The following ADAMTSL3 variants were observed in gnomAD, a reference collection of about 807,000 sequenced individuals.
The protein encoded by ADAMTSL3 is ADAMTS like 3, also known as ADAMTS-like protein 3.
Under a neutral mutation model 201.7 loss-of-function variants are expected in ADAMTSL3, and 128 were observed. The ratio of observed to expected loss-of-function variants is 0.63; its 90% CI spans 0.55 to 0.73. ADAMTSL3 has a LOEUF of 0.73. Ranked by LOEUF, ADAMTSL3 falls within the 30% of genes least tolerant of loss-of-function variation. ADAMTSL3 has a pLI of 0.00. For missense variants in ADAMTSL3, 1,990 were observed against 2,119.6 expected, an observed-to-expected ratio of 0.94 and a Z score of 1.20; for synonymous variants, 738 against 748.4, an observed-to-expected ratio of 0.99 and a Z score of 0.23.
At chr15:83,986,316 C>G (rs1441930251) in intron 21 of ADAMTSL3, among the ~76,000 whole-genome samples, 2 of 152,146 alleles carry the variant, frequency 1.3e-5, no homozygotes, top group African/African-American at 4.8e-5. Context: ...GGAGCCTGGT[C>G]AGTTTAAATA....
rs113338507 is a variant in ADAMTSL3 at position 84,000,350 on chromosome 15, T to C, written c.3973+9136T>C. Among the ~76,000 whole-genome samples, 508 of 152,304 alleles carry C rather than the reference T, an allele frequency of 3.3e-3. 4 individuals carry two copies. The highest frequency in any genetic ancestry group is 0.012 in the African/African-American group (494 of 41,570). Reference sequence around the variant, plus strand: ...TTGAAATGTATATTTAAAATGTCTTTCCCTACTCAAAAAGGCTCCCCTTCC... The same window carrying C: ...TTGAAATGTATATTTAAAATGTCTTCCCCTACTCAAAAAGGCTCCCCTTCC... On this transcript the variant is annotated intron_variant, in intron 23 of 29. Transcript: ENST00000286744.
intron 3 of ADAMTSL3, among the ~76,000 whole-genome samples, chr15:83,725,753 G>T (rs2062164893): frequency 3.3e-5 from 5 of 152,016 alleles, no homozygotes; most frequent in Admixed American, 2.6e-4. Context: ...TGGTCTATAT[G>T]TCTGTTTTTT....
chr15:83,716,616 G>A (rs1183683791), intron 3 of ADAMTSL3, among the ~76,000 whole-genome samples: 1 of 151,356 alleles, frequency 6.6e-6, no homozygotes, highest in African/African-American at 2.4e-5. Flanking sequence ...CTTTGTGTGT[G>A]TGTGTGTGTT....
intron 4 of ADAMTSL3, among the ~76,000 whole-genome samples, chr15:83,777,268 C>T (rs1054606813): frequency 2.6e-5 from 4 of 152,204 alleles, no homozygotes; most frequent in Non-Finnish European, 4.4e-5. Context: ...AGCACTCCAC[C>T]GTAGCTGCCA....
At chr15:83,658,562 C>T (rs941236840) in intron 2 of ADAMTSL3, among the ~76,000 whole-genome samples, 2 of 152,202 alleles carry the variant, frequency 1.3e-5, no homozygotes, top group African/African-American at 2.4e-5. Context: ...GCTCACTGTT[C>T]CCCTCATCCA....
chr15:83,930,962 G>A (rs1445709928), intron 17 of ADAMTSL3, among the ~76,000 whole-genome samples: 1 of 152,224 alleles, frequency 6.6e-6, no homozygotes, highest in Non-Finnish European at 1.5e-5. Flanking sequence ...ACAGCCAGTG[G>A]ATCTTTATTT....
chr15:84,037,850 A>C lies in ADAMTSL3; in HGVS notation c.*44A>C, dbSNP rs1195105391. ...ATGCTGCTGTGAAGATAAAAGTAGA[A>C]TATAAAAGCTCTTTTCCCCATGTCG... On this transcript the variant is annotated 3_prime_UTR_variant, in exon 30 of 30. Coordinates refer to ENST00000286744, the MANE Select transcript of ADAMTSL3 (RefSeq NM_207517.3). 2 of 1,570,684 alleles carry C rather than the reference A, an allele frequency of 1.3e-6. No homozygotes were observed. The highest frequency in any genetic ancestry group is 1.4e-5 in the African/African-American group (1 of 72,488).
chr15:83,891,481 A>G (rs1399849628), intron 12 of ADAMTSL3, 102 bp downstream of exon 12: 1 of 986,672 alleles, frequency 1.0e-6, no homozygotes, highest in South Asian at 1.4e-5. Flanking sequence ...TAGATATTAA[A>G]TACTTTATAG....
At chr15:83,892,961 G>A in intron 13 of ADAMTSL3, 73 bp downstream of exon 13, 1 of 1,406,536 alleles carries the variant, frequency 7.1e-7, no homozygotes, top group Non-Finnish European at 9.9e-7. Context: ...GCCCACCATG[G>A]TGCTAGACAG....
intron 17 of ADAMTSL3, among the ~76,000 whole-genome samples, chr15:83,940,083 A>T (rs2066529805): frequency 6.6e-6 from 1 of 152,092 alleles, no homozygotes; most frequent in Non-Finnish European, 1.5e-5. Flanking sequence ...ATATCATTTA[A>T]GGCTATTGAT....
At chr15:84,015,262 A>G (rs537553607) in intron 24 of ADAMTSL3, among the ~76,000 whole-genome samples, 3 of 152,170 alleles carry the variant, frequency 2.0e-5, no homozygotes, top group Non-Finnish European at 4.4e-5. Context: ...GTGTTAAGTA[A>G]TGGTTTCATG....
intron 16 of ADAMTSL3, among the ~76,000 whole-genome samples, chr15:83,923,379 C>T (rs764234758): frequency 2.6e-5 from 4 of 152,130 alleles, no homozygotes; most frequent in South Asian, 2.1e-4. Context: ...GCAATAGAAA[C>T]GTTACAAATT....
chr15:84,006,912 C>T (rs2067905290), intron 23 of ADAMTSL3, among the ~76,000 whole-genome samples: 2 of 152,134 alleles, frequency 1.3e-5, no homozygotes, highest in Admixed American at 6.5e-5. Context: ...TTTGAGGTGC[C>T]TGTGGGACAT....
At chr15:83,805,093 G>T (rs771964973) in intron 5 of ADAMTSL3, among the ~76,000 whole-genome samples, 12 of 152,064 alleles carry the variant, frequency 7.9e-5, no homozygotes, top group Admixed American at 2.0e-4. Flanking sequence ...TTTTTTGAAG[G>T]TCACATAGGA....
At position 83,913,095 on chromosome 15, in the gene ADAMTSL3, C is replaced by T. The variant is rs765308246; in HGVS notation, c.1704C>T (p.Phe568=). 6.2e-7 allele frequency: 1 copy of T among 1,613,378 alleles called. No homozygotes were observed. The highest frequency in any genetic ancestry group is 8.5e-7 in the Non-Finnish European group (1 of 1,179,576). Residue 568 remains phenylalanine, a synonymous_variant, in exon 16 of 30, where the codon TTC becomes TTT. Transcript: ENST00000286744. ...ETRIATEEPT[F]IPEPWSACST... ...GTGGCTTCCTGGTTTTCCCTAGGTTCATTCCAGAACCCTGGTCAGCCTGCA... is the reference window on the plus strand; with the variant it reads ...GTGGCTTCCTGGTTTTCCCTAGGTTTATTCCAGAACCCTGGTCAGCCTGCA...
At chr15:84,016,031 C>T (rs528108064) in intron 24 of ADAMTSL3, among the ~76,000 whole-genome samples, 1 of 152,340 alleles carries the variant, frequency 6.6e-6, no homozygotes, top group Admixed American at 6.5e-5. Flanking sequence ...CGTTCTCTTG[C>T]TCCCAGCATT....
At chr15:83,665,416 G>C (rs1457026316) in intron 2 of ADAMTSL3, among the ~76,000 whole-genome samples, 1 of 152,162 alleles carries the variant, frequency 6.6e-6, no homozygotes, top group Non-Finnish European at 1.5e-5. Flanking sequence ...GAGAGAAACA[G>C]GATCATTAGA....
chr15:83,893,414 A>G (rs2065549827), intron 13 of ADAMTSL3, among the ~76,000 whole-genome samples: 1 of 152,170 alleles, frequency 6.6e-6, no homozygotes, highest in Non-Finnish European at 1.5e-5. Context: ...TGAAGATTTG[A>G]AGAGATGACC....
chr15:83,707,031 C>A (rs2061862583), intron 3 of ADAMTSL3, among the ~76,000 whole-genome samples: 1 of 152,070 alleles, frequency 6.6e-6, no homozygotes, highest in African/African-American at 2.4e-5. Context: ...TAAAACCAAT[C>A]AAATACTATC....
Sources: allele counts gnomAD v4.1 joint callset (sites outside exome capture counted in the v4.1 genomes callset), GRCh38; gene constraint gnomAD v4.1.1; transcripts MANE v1.5; gene names NCBI Gene and HGNC (gene_info 2026-07-23, HGNC 2026-07-21).